RAMP3: variants seen among roughly 807,000 people sequenced by gnomAD.
RAMP3 encodes receptor activity-modifying protein 3.
RAMP3 carries 14 observed loss-of-function variants against 13.5 expected under a neutral mutation model. That is an observed-to-expected ratio of 1.04 (90% CI 0.69 to 1.63). RAMP3 has a LOEUF of 1.63. Ranked by LOEUF, RAMP3 falls within the 40% of genes most tolerant of loss-of-function variation. The pLI is 0.00. For synonymous variants in RAMP3, 106 were observed against 88.3 expected, an observed-to-expected ratio of 1.20 and a Z score of -1.12; for missense variants, 200 against 204.8, an observed-to-expected ratio of 0.98 and a Z score of 0.14.
chr7:45,178,100 C>T (rs1428186413), intron 2 of RAMP3, among the ~76,000 whole-genome samples: 3 of 152,110 alleles, frequency 2.0e-5, no homozygotes, highest in African/African-American at 4.8e-5. Context: ...TCCACCTCTC[C>T]TTACAGCTGG....
chr7:45,177,826 C>A (rs965408893), intron 2 of RAMP3, among the ~76,000 whole-genome samples: 1 of 152,222 alleles, frequency 6.6e-6, no homozygotes, highest in Non-Finnish European at 1.5e-5. Flanking sequence ...CTCTGCTTCT[C>A]CCTCTCCTCT....
intron 1 of RAMP3, among the ~76,000 whole-genome samples, chr7:45,166,176 T>A (rs1462512958): frequency 1.5e-5 from 1 of 66,194 alleles, no homozygotes; most frequent in Admixed American, 1.2e-4. Flanking sequence ...TCACTGACAC[T>A]TTTTTTTTTT....
At position 45,171,764 on chromosome 7, in the gene RAMP3, G is replaced by A. The variant is rs532702403; in HGVS notation, c.59-5545G>A. On this transcript the variant is annotated intron_variant, in intron 1 of 2. Transcript: ENST00000242249. ...TGGGATTACAGGTGTGGGATGCCAC[G>A]CCTGCCTCCATTGTTTTTGACAACA... Among the ~76,000 whole-genome samples the A allele has an allele frequency of 2.6e-5, 4 of 152,122 alleles. No individual in the cohort carries two copies. In the South Asian group the frequency reaches 8.3e-4, roughly 32 times the overall value.
intron 1 of RAMP3, among the ~76,000 whole-genome samples, chr7:45,161,918 C>G (rs1785875278): frequency 6.6e-6 from 1 of 152,042 alleles, no homozygotes; most frequent in African/African-American, 2.4e-5. Context: ...TCAGGAGACC[C>G]ACCCAAGGGT....
At chr7:45,177,630 C>T (rs1180217397) in intron 2 of RAMP3, among the ~76,000 whole-genome samples, 189 bp downstream of exon 2, 1 of 152,164 alleles carries the variant, frequency 6.6e-6, no homozygotes, top group African/African-American at 2.4e-5. Flanking sequence ...CAACCACGCT[C>T]CTATTCACAC....
chr7:45,181,331 C>T (rs1786309163), intron 2 of RAMP3, among the ~76,000 whole-genome samples: 1 of 152,222 alleles, frequency 6.6e-6, no homozygotes, highest in African/African-American at 2.4e-5. Context: ...CTAGCTTTGG[C>T]TGGGAGTGGG....
At position 45,158,805 on chromosome 7, in the gene RAMP3, C is replaced by T. The variant is rs554002821; in HGVS notation, c.58+919C>T. Among the ~76,000 whole-genome samples, 8 of 152,248 alleles carry T rather than the reference C, an allele frequency of 5.3e-5. No individual in the cohort carries two copies. In the East Asian group the frequency reaches 1.5e-3, roughly 29 times the overall value. On this transcript the variant is annotated intron_variant, in intron 1 of 2. Coordinates refer to ENST00000242249, the MANE Select transcript of RAMP3 (RefSeq NM_005856.3). ...AAAAGGGTGGACCAAACTCAGTGGT[C>T]ATTTTCCTTCCATTGAAGAGGTCTT...
Position 45,177,450 on chromosome 7 carries a change from C to T in RAMP3, c.191+9C>T. On this transcript the variant is annotated intron_variant, in intron 2 of 2. Coordinates refer to ENST00000242249, the MANE Select transcript of RAMP3 (RefSeq NM_005856.3). ...CTGTCCGAGTTCATCGTGTGAGTGC[C>T]ACTGCTGGGCGTGGGATTTGCTCTG... 5 of 1,613,986 alleles carry T rather than the reference C, an allele frequency of 3.1e-6. No homozygotes were observed. Among genetic ancestry groups the T allele is most frequent in the East Asian group, 4.5e-5 (2 of 44,868 alleles).
chr7:45,165,577 G>A (rs771236635), intron 1 of RAMP3, among the ~76,000 whole-genome samples: 5 of 152,148 alleles, frequency 3.3e-5, no homozygotes, highest in Admixed American at 6.5e-5. Flanking sequence ...CCCATTTAAA[G>A]TATACATCAA....
chr7:45,161,406 CTT>C (rs1785863207), intron 1 of RAMP3, among the ~76,000 whole-genome samples: 1 of 152,032 alleles, frequency 6.6e-6, no homozygotes, highest in Admixed American at 6.6e-5. Context: ...GTAATGAATA[CTT>C]ATCAGGACCT....
intron 2 of RAMP3, among the ~76,000 whole-genome samples, chr7:45,177,993 C>T (rs974169738): frequency 4.6e-5 from 7 of 150,826 alleles, no homozygotes; most frequent in Admixed American, 1.3e-4. Flanking sequence ...GTCCAGTTTG[C>T]GGGTGGCCTG....
intron 1 of RAMP3, among the ~76,000 whole-genome samples, chr7:45,174,656 CTG>C (rs1434795486): frequency 2.0e-5 from 3 of 152,188 alleles, no homozygotes; most frequent in Non-Finnish European, 4.4e-5. Flanking sequence ...CTCCTTCTGA[CTG>C]TGGCTGCCTG....
chr7:45,182,170 T>C (rs1362423940), intron 2 of RAMP3, among the ~76,000 whole-genome samples: 1 of 152,170 alleles, frequency 6.6e-6, no homozygotes, highest in Non-Finnish European at 1.5e-5. Context: ...AAGGAGGAGA[T>C]GGGCTACTTT....
At chr7:45,170,686 C>T (rs1263790764) in intron 1 of RAMP3, among the ~76,000 whole-genome samples, 1 of 152,096 alleles carries the variant, frequency 6.6e-6, no homozygotes, top group Admixed American at 6.6e-5. Flanking sequence ...TGCTGTGTCA[C>T]CCAGGCTGGA....
chr7:45,180,572 G>A (rs551819869), intron 2 of RAMP3, among the ~76,000 whole-genome samples: 3 of 152,218 alleles, frequency 2.0e-5, no homozygotes, highest in Non-Finnish European at 4.4e-5. Context: ...CAACCAGAGC[G>A]TGTCCTCTCC....
rs184320576 is a variant in RAMP3 at position 45,159,601 on chromosome 7, C to T, written c.58+1715C>T. Reference sequence around the variant, plus strand: ...CAGCTCTTGACTGGACTCTTCTGGTCTGGGTGAAAATCCTGATCATGATCC... The same window carrying T: ...CAGCTCTTGACTGGACTCTTCTGGTTTGGGTGAAAATCCTGATCATGATCC... On this transcript the variant is annotated intron_variant, in intron 1 of 2. Coordinates refer to ENST00000242249, the MANE Select transcript of RAMP3 (RefSeq NM_005856.3). Among the ~76,000 whole-genome samples, 39 of 152,314 alleles carry T rather than the reference C, an allele frequency of 2.6e-4. No individual in the cohort carries two copies. In the East Asian group the frequency reaches 5.2e-3, roughly 20 times the overall value.
chr7:45,171,268 G>C (rs923156547), intron 1 of RAMP3, among the ~76,000 whole-genome samples: 65 of 151,770 alleles, frequency 4.3e-4, no homozygotes, highest in African/African-American at 1.4e-3. Context: ...CGATTCTCCT[G>C]CCTCAGCCTC....
chr7:45,162,987 A>G (rs1785892609), intron 1 of RAMP3, among the ~76,000 whole-genome samples: 1 of 152,174 alleles, frequency 6.6e-6, no homozygotes, highest in Non-Finnish European at 1.5e-5. Context: ...AGCCTGCTGG[A>G]CTGGAATCTA....
intron 1 of RAMP3, 133 bp downstream of exon 1, chr7:45,158,019 A>T: frequency 1.1e-6 from 1 of 888,384 alleles, no homozygotes; most frequent in Non-Finnish European, 1.5e-6. Flanking sequence ...GCGCACAGTG[A>T]CCCTGGCGGG....
Sources: allele counts gnomAD v4.1 joint callset (sites outside exome capture counted in the v4.1 genomes callset), GRCh38; gene constraint gnomAD v4.1.1; transcripts MANE v1.5; gene names NCBI Gene and HGNC (gene_info 2026-07-23, HGNC 2026-07-21).